Variants in EPHA6 observed in about 807,000 individuals in gnomAD.
The protein encoded by EPHA6 is ephrin type-A receptor 6.
A neutral mutation model predicts 112.0 loss-of-function variants in EPHA6; 50 were observed. The ratio of observed to expected loss-of-function variants is 0.45; its 90% CI spans 0.36 to 0.56. EPHA6 has a LOEUF of 0.56. EPHA6 is among the 20% of genes least tolerant of loss of function. EPHA6 has a pLI of 0.00. For missense variants in EPHA6, 1,280 were observed against 1,417.4 expected (o/e 0.90, Z 1.56); for synonymous variants, 529 against 490.7 (o/e 1.08, Z -1.03).
intron 5 of EPHA6, among the ~76,000 whole-genome samples, chr3:97,296,952 T>C (rs1365404422): frequency 6.6e-6 from 1 of 152,164 alleles, no homozygotes; most frequent in Non-Finnish European, 1.5e-5. Flanking sequence ...GCAGGGTCTA[T>C]TGGGCCCCAG....
intron 14 of EPHA6, 46 bp downstream of exon 14, chr3:97,638,128 G>A: frequency 7.2e-7 from 1 of 1,382,870 alleles, no homozygotes; most frequent in South Asian, 1.3e-5. Flanking sequence ...TACTTTTATT[G>A]TTTTTAATGT....
chr3:97,141,330 A>T (rs1165106860), intron 3 of EPHA6, among the ~76,000 whole-genome samples: 1 of 152,118 alleles, frequency 6.6e-6, no homozygotes, highest in East Asian at 1.9e-4. Flanking sequence ...GGCTAAGTGG[A>T]TTTAATAGAC....
At chr3:96,914,966 A>C (rs2039413066) in intron 2 of EPHA6, among the ~76,000 whole-genome samples, 1 of 150,922 alleles carries the variant, frequency 6.6e-6, no homozygotes, top group Admixed American at 6.6e-5. Flanking sequence ...TATGCAGGTA[A>C]GTTAATTAAA....
At chr3:97,069,564 A>C (rs1454873690) in intron 3 of EPHA6, among the ~76,000 whole-genome samples, 2 of 152,160 alleles carry the variant, frequency 1.3e-5, no homozygotes, top group South Asian at 4.1e-4. Flanking sequence ...AAATTTTACA[A>C]CCTTGCTTAG....
chr3:97,389,023 A>C (rs1227196486), intron 5 of EPHA6, among the ~76,000 whole-genome samples: 1 of 152,146 alleles, frequency 6.6e-6, no homozygotes, highest in East Asian at 1.9e-4. Flanking sequence ...CTGATAGGTT[A>C]CTTGTCTTTA....
intron 2 of EPHA6, among the ~76,000 whole-genome samples, chr3:96,981,354 A>T (rs1388749113): frequency 1.3e-5 from 2 of 152,086 alleles, no homozygotes; most frequent in Non-Finnish European, 2.9e-5. Context: ...GATTTCATTT[A>T]TTGATTTGTT....
intron 3 of EPHA6, among the ~76,000 whole-genome samples, chr3:97,179,127 C>A (rs2076915173): frequency 6.6e-6 from 1 of 151,952 alleles, no homozygotes; most frequent in Non-Finnish European, 1.5e-5. Context: ...CTCACTAATT[C>A]TTTCATCTGC....
chr3:97,454,774 C>T (rs992821023), intron 7 of EPHA6, among the ~76,000 whole-genome samples: 1 of 151,832 alleles, frequency 6.6e-6, no homozygotes, highest in African/African-American at 2.4e-5. Flanking sequence ...GCTTCAATTA[C>T]TTAGGATGAA....
intron 3 of EPHA6, among the ~76,000 whole-genome samples, chr3:97,044,528 C>T (rs1322812031): frequency 6.6e-6 from 1 of 152,136 alleles, no homozygotes; most frequent in African/African-American, 2.4e-5. Context: ...TTAATGTTCT[C>T]AGATTTTACC....
intron 6 of EPHA6, among the ~76,000 whole-genome samples, chr3:97,407,609 C>T (rs937715178): frequency 3.9e-5 from 6 of 151,980 alleles, no homozygotes; most frequent in African/African-American, 1.4e-4. Flanking sequence ...TTTTTAGTCA[C>T]TTTTCTTTTT....
intron 11 of EPHA6, among the ~76,000 whole-genome samples, chr3:97,556,873 T>G (rs9862202): frequency 0.25 from 37,589 of 151,730 alleles, 6,641 homozygotes; most frequent in African/African-American, 0.49. Flanking sequence ...AACGATTATT[T>G]CTCTTAAAGT....
intron 15 of EPHA6, among the ~76,000 whole-genome samples, chr3:97,723,524 C>T (rs1170994150): frequency 1.3e-5 from 2 of 152,150 alleles, no homozygotes; most frequent in Admixed American, 6.5e-5. Flanking sequence ...CATTCTCATT[C>T]GTTCAGGATT....
intron 6 of EPHA6, among the ~76,000 whole-genome samples, chr3:97,423,312 A>G (rs1299427881): frequency 6.6e-6 from 1 of 152,254 alleles, no homozygotes; most frequent in African/African-American, 2.4e-5. Flanking sequence ...AACTTTCAGT[A>G]TACAAAATCA....
In EPHA6 at chr3:97,307,029, A is replaced by C. The variant is rs144542575; in HGVS notation, c.1606+62742A>C. ...GGTGACAGTTGCCTAATCTAACATC[A>C]AATTGAGCTATGAAGTATTTGTTAT... On this transcript the variant is annotated intron_variant, in intron 5 of 17. Transcript: ENST00000389672. 2.6e-3 allele frequency among the ~76,000 whole-genome samples: 399 copies of C among 151,932 alleles called. 4 individuals carry two copies. Among genetic ancestry groups the C allele is most frequent in the African/African-American group, 8.3e-3 (345 of 41,484 alleles).
intron 3 of EPHA6, among the ~76,000 whole-genome samples, chr3:97,209,077 A>G (rs770740335): frequency 2.6e-5 from 4 of 152,200 alleles, no homozygotes; most frequent in Non-Finnish European, 5.9e-5. Context: ...GCAATGATAC[A>G]TTCATATTTG....
chr3:97,161,026 G>A (rs533534301), intron 3 of EPHA6, among the ~76,000 whole-genome samples: 117 of 152,258 alleles, frequency 7.7e-4, no homozygotes, highest in Non-Finnish European at 1.3e-3. Flanking sequence ...TATTTGAGCC[G>A]TTTCTTTATG....
intron 5 of EPHA6, among the ~76,000 whole-genome samples, chr3:97,379,861 A>G (rs1285299592): frequency 6.6e-6 from 1 of 152,000 alleles, no homozygotes; most frequent in Non-Finnish European, 1.5e-5. Context: ...TGAGAGATAG[A>G]TGAACTAATT....
chr3:96,993,029 C>T (rs116480544), intron 3 of EPHA6, among the ~76,000 whole-genome samples: 314 of 152,290 alleles, frequency 2.1e-3, no homozygotes, highest in Non-Finnish European at 3.4e-3. Context: ...GTTAAAAGTG[C>T]AGCCTGTTGG....
chr3:97,046,110 C>G (rs1420793765), intron 3 of EPHA6, among the ~76,000 whole-genome samples: 2 of 152,074 alleles, frequency 1.3e-5, no homozygotes, highest in African/African-American at 4.8e-5. Context: ...TTAACACCTA[C>G]TTTACACAAG....
Sources: gnomAD v4.1 joint callset for allele counts (sites outside exome capture counted in the v4.1 genomes callset) on GRCh38, gnomAD v4.1.1 for gene constraint, MANE v1.5 for transcripts, NCBI Gene and HGNC (gene_info 2026-07-23, HGNC 2026-07-21) for gene names.